The following ADAMTS18 variants were observed in gnomAD, a reference collection of about 807,000 sequenced individuals.
ADAMTS18 encodes A disintegrin and metalloproteinase with thrombospondin motifs 18.
Under a neutral mutation model 165.9 loss-of-function variants are expected in ADAMTS18, and 157 were observed. The observed-to-expected ratio is 0.95, with a 90% CI of 0.83 to 1.08. The LOEUF (loss-of-function observed/expected upper bound fraction) is 1.08. Among genes scored for constraint, ADAMTS18 ranks in the 50% least tolerant of loss-of-function variants. The pLI, the probability that ADAMTS18 is intolerant of heterozygous loss-of-function variation, is 0.00. For synonymous variants in ADAMTS18, 782 were observed against 578.2 expected (o/e 1.35, Z -5.06); for missense variants, 2,040 against 1,534.0 (o/e 1.33, Z -5.51).
At chr16:77,286,160 C>T (rs1380062442) in intron 22 of ADAMTS18, among the ~76,000 whole-genome samples, 6 of 152,104 alleles carry the variant, frequency 3.9e-5, no homozygotes, top group Admixed American at 3.9e-4. Flanking sequence ...ATTCCTGCCT[C>T]GGGGACTTTG....
In ADAMTS18 at chr16:77,284,851, G is replaced by A. The variant is rs74738020; in HGVS notation, c.3551-780C>T. Among the ~76,000 whole-genome samples, 76 of 152,110 alleles carry A rather than the reference G, an allele frequency of 5.0e-4. 1 individual carries two copies. The highest frequency in any genetic ancestry group is 1.6e-3 in the African/African-American group (67 of 41,466). On this transcript the variant is annotated intron_variant, in intron 22 of 22. Coordinates refer to ENST00000282849, the MANE Select transcript of ADAMTS18 (RefSeq NM_199355.4). ...AAGGGAGGGTGTGCTGCTGGTCCAC[G>A]AACTATAATTTCAGGAGCAAGAAGC...
At chr16:77,414,190 A>G (rs987047736) in intron 3 of ADAMTS18, among the ~76,000 whole-genome samples, 3 of 152,222 alleles carry the variant, frequency 2.0e-5, no homozygotes, top group African/African-American at 7.2e-5. Context: ...CTCTGAAACT[A>G]CTGTTTGAAG....
intron 10 of ADAMTS18, among the ~76,000 whole-genome samples, chr16:77,349,568 C>G (rs903669036): frequency 7.3e-6 from 1 of 137,342 alleles, no homozygotes; most frequent in East Asian, 2.2e-4. Context: ...CTGAGCCAGA[C>G]AAAGTCATGA....
intron 17 of ADAMTS18, 74 bp from the exon 18 acceptor site, chr16:77,297,489 G>C (rs2055496846): frequency 7.0e-7 from 1 of 1,423,054 alleles, no homozygotes; most frequent in Non-Finnish European, 9.9e-7. Context: ...TTTAGCTTCT[G>C]ATTTACCAGC....
At chr16:77,430,428 T>A (rs772740125) in intron 3 of ADAMTS18, among the ~76,000 whole-genome samples, 14 of 152,234 alleles carry the variant, frequency 9.2e-5, no homozygotes, top group Non-Finnish European at 1.6e-4. Flanking sequence ...CCTCTTGCTT[T>A]GTGCCATGAT....
At chr16:77,390,782 T>C (rs1241460236) in intron 3 of ADAMTS18, among the ~76,000 whole-genome samples, 2 of 152,274 alleles carry the variant, frequency 1.3e-5, no homozygotes, top group African/African-American at 4.8e-5. Flanking sequence ...CACTGTTCAG[T>C]ACAGTAGTCA....
intron 10 of ADAMTS18, 96 bp downstream of exon 10, chr16:77,353,637 C>A: frequency 9.0e-6 from 14 of 1,554,934 alleles, no homozygotes; most frequent in Non-Finnish European, 1.2e-5. Context: ...CAGAACCTAA[C>A]CCTTGGCCTT....
intron 3 of ADAMTS18, among the ~76,000 whole-genome samples, chr16:77,384,575 T>C (rs2057078843): frequency 6.6e-6 from 1 of 152,118 alleles, no homozygotes. Flanking sequence ...TTGGGGAACG[T>C]CTGAAGGTTT....
intron 15 of ADAMTS18, 52 bp downstream of exon 15, chr16:77,321,027 T>G: frequency 6.2e-7 from 1 of 1,613,052 alleles, no homozygotes; most frequent in Non-Finnish European, 8.5e-7. Context: ...CAAACTTGTT[T>G]GGTAGCAAAA....
intron 3 of ADAMTS18, among the ~76,000 whole-genome samples, chr16:77,406,956 A>G (rs969145400): frequency 6.6e-6 from 1 of 152,036 alleles, no homozygotes; most frequent in Non-Finnish European, 1.5e-5. Context: ...AGGAAGGGAG[A>G]AGAGAAAGGG....
chr16:77,326,301 A>T (rs1205632909), intron 12 of ADAMTS18, among the ~76,000 whole-genome samples: 1 of 152,178 alleles, frequency 6.6e-6, no homozygotes, highest in Non-Finnish European at 1.5e-5. Context: ...TGGCATGCTA[A>T]ATCAAATTTA....
chr16:77,356,985 A>ATT (rs4038549), intron 8 of ADAMTS18, among the ~76,000 whole-genome samples: 56 of 140,524 alleles, frequency 4.0e-4, no homozygotes, highest in Non-Finnish European at 5.1e-4. Context: ...CTTTTCTGAA[A>ATT]TTTTTTTTTT....
At chr16:77,294,092 G>C (rs1220391824) in intron 19 of ADAMTS18, among the ~76,000 whole-genome samples, 1 of 152,146 alleles carries the variant, frequency 6.6e-6, no homozygotes. Flanking sequence ...ACTGTCATCA[G>C]TGGCTGCTAC....
At chr16:77,338,857 G>C (rs545776187) in intron 11 of ADAMTS18, among the ~76,000 whole-genome samples, 1 of 151,572 alleles carries the variant, frequency 6.6e-6, no homozygotes, top group Non-Finnish European at 1.5e-5. Context: ...GGGAGGCTGA[G>C]GCAGGAGAAT....
At chr16:77,318,360 T>G (rs939614208) in intron 16 of ADAMTS18, among the ~76,000 whole-genome samples, 1 of 152,180 alleles carries the variant, frequency 6.6e-6, no homozygotes, top group Non-Finnish European at 1.5e-5. Flanking sequence ...TTGCCAGTAT[T>G]GGTGCTATAT....
chr16:77,354,113 C>T (rs2056595170), intron 9 of ADAMTS18, among the ~76,000 whole-genome samples: 1 of 152,134 alleles, frequency 6.6e-6, no homozygotes, highest in Non-Finnish European at 1.5e-5. Context: ...AAATTCTAGT[C>T]ATCCAAGTGA....
chr16:77,318,000 T>C (rs534872068), intron 16 of ADAMTS18, among the ~76,000 whole-genome samples: 1 of 152,324 alleles, frequency 6.6e-6, no homozygotes, highest in East Asian at 1.9e-4. Flanking sequence ...ACAAGCACTA[T>C]GTCGCTTTCC....
At chr16:77,346,407 G>C (rs778616606) in intron 10 of ADAMTS18, among the ~76,000 whole-genome samples, 26 of 151,962 alleles carry the variant, frequency 1.7e-4, no homozygotes, top group Non-Finnish European at 3.5e-4. Context: ...GACAGACTTT[G>C]TATTTTAAAA....
chr16:77,380,314 T>G (rs1169713489), intron 3 of ADAMTS18, among the ~76,000 whole-genome samples: 1 of 152,242 alleles, frequency 6.6e-6, no homozygotes, highest in Non-Finnish European at 1.5e-5. Context: ...CTAGCAGCTC[T>G]TAATAGATAT....
Sources: gnomAD v4.1 joint callset for allele counts (sites outside exome capture counted in the v4.1 genomes callset) on GRCh38, gnomAD v4.1.1 for gene constraint, MANE v1.5 for transcripts, NCBI Gene and HGNC (gene_info 2026-07-23, HGNC 2026-07-21) for gene names.